Variants in GRIN2B observed in about 807,000 individuals in gnomAD.
GRIN2B encodes glutamate ionotropic receptor NMDA type subunit 2B.
Under a neutral mutation model 114.5 loss-of-function variants are expected in GRIN2B, and 5 were observed. The observed-to-expected ratio is 0.04, with a 90% CI of 0.02 to 0.09. The LOEUF (loss-of-function observed/expected upper bound fraction) is 0.09, where lower values mean the gene tolerates loss of function less well. GRIN2B is among the 10% of genes least tolerant of loss of function. GRIN2B has a pLI of 1.00. For missense variants in GRIN2B, 1,108 were observed against 1,943.5 expected (o/e 0.57, Z 8.08); for synonymous variants, 787 against 745.1 (o/e 1.06, Z -0.92).
intron 3 of GRIN2B, among the ~76,000 whole-genome samples, chr12:13,830,283 CTCTT>C (rs1031538576): frequency 3.3e-5 from 5 of 152,166 alleles, no homozygotes; most frequent in African/African-American, 9.7e-5. Flanking sequence ...AGTACACAGA[CTCTT>C]TCAGCTAAGA....
chr12:13,643,670 T>A (rs1949739430), intron 5 of GRIN2B, among the ~76,000 whole-genome samples: 1 of 152,180 alleles, frequency 6.6e-6, no homozygotes, highest in South Asian at 2.1e-4. Flanking sequence ...AGAACTTCCT[T>A]CAAAATTGGA....
At chr12:13,818,038 A>G (rs545470404) in intron 3 of GRIN2B, among the ~76,000 whole-genome samples, 80 of 152,348 alleles carry the variant, frequency 5.3e-4, no homozygotes, top group African/African-American at 1.9e-3. Flanking sequence ...GCATGACTCA[A>G]GAAATCATAA....
intron 3 of GRIN2B, among the ~76,000 whole-genome samples, chr12:13,785,222 C>A (rs1197497425): frequency 6.6e-6 from 1 of 152,128 alleles, no homozygotes; most frequent in Non-Finnish European, 1.5e-5. Flanking sequence ...TTAATTTTTC[C>A]ATTAAAATCA....
At chr12:13,593,740 T>G (rs1481402377) in intron 10 of GRIN2B, among the ~76,000 whole-genome samples, 1 of 152,124 alleles carries the variant, frequency 6.6e-6, no homozygotes, top group African/African-American at 2.4e-5. Context: ...CAGAGTGAAC[T>G]GGCAACCTAC....
At chr12:13,784,203 A>C (rs375916613) in intron 3 of GRIN2B, among the ~76,000 whole-genome samples, 1 of 124,288 alleles carries the variant, frequency 8.0e-6, no homozygotes, top group South Asian at 2.9e-4. Context: ...CAGCCTGGGC[A>C]ACAGAGTGAG....
chr12:13,789,838 T>C (rs1350710221), intron 3 of GRIN2B, among the ~76,000 whole-genome samples: 3 of 152,144 alleles, frequency 2.0e-5, no homozygotes, highest in Non-Finnish European at 4.4e-5. Flanking sequence ...GAAGTAAAAT[T>C]GGGAGACACT....
intron 5 of GRIN2B, among the ~76,000 whole-genome samples, chr12:13,634,846 C>T (rs1009766075): frequency 1.3e-5 from 2 of 152,150 alleles, no homozygotes; most frequent in Non-Finnish European, 1.5e-5. Flanking sequence ...TAGTTAGGAT[C>T]CTGTTATCTG....
At chr12:13,659,926 G>C (rs1052051829) in intron 5 of GRIN2B, among the ~76,000 whole-genome samples, 1 of 152,122 alleles carries the variant, frequency 6.6e-6, no homozygotes, top group South Asian at 2.1e-4. Context: ...AGTTTCTGTC[G>C]GTCAGCTTCC....
chr12:13,915,013 A>G (rs1866689347), intron 2 of GRIN2B, among the ~76,000 whole-genome samples: 1 of 152,208 alleles, frequency 6.6e-6, no homozygotes, highest in Non-Finnish European at 1.5e-5. Context: ...CACAGTTAGC[A>G]ATAATCTATT....
Position 13,809,587 on chromosome 12 carries a change from T to G in GRIN2B, c.412-55672A>C, listed in dbSNP as rs114566127. 9.7e-3 allele frequency among the ~76,000 whole-genome samples: 1,480 copies of G among 152,234 alleles called. 25 individuals carry two copies. The highest frequency in any genetic ancestry group is 0.033 in the African/African-American group (1,380 of 41,516). ...AACCACTTGCCAAAGATAGAATTCA[T>G]AAAGTAAAATATTAGCCTGAGAGAT... On this transcript the variant is annotated intron_variant, in intron 3 of 13. Transcript: ENST00000609686.
chr12:13,705,216 C>T (rs533992087), intron 4 of GRIN2B, among the ~76,000 whole-genome samples: 40 of 152,156 alleles, frequency 2.6e-4, no homozygotes, highest in Middle Eastern at 3.4e-3. Flanking sequence ...TCCCTATTAC[C>T]CATTATCTCC....
chr12:13,939,798 T>C (rs530482666), intron 2 of GRIN2B, among the ~76,000 whole-genome samples: 83 of 152,092 alleles, frequency 5.5e-4, no homozygotes, highest in Non-Finnish European at 1.1e-3. Context: ...TGCAGAACCA[T>C]GAGCCAAATT....
intron 3 of GRIN2B, among the ~76,000 whole-genome samples, chr12:13,850,478 T>A (rs1188625950): frequency 6.6e-6 from 1 of 152,206 alleles, no homozygotes; most frequent in East Asian, 1.9e-4. Context: ...GGAATTCCCA[T>A]GCAGCTGCAG....
chr12:13,688,547 T>TA (rs1246957781), intron 4 of GRIN2B, among the ~76,000 whole-genome samples: 5 of 152,194 alleles, frequency 3.3e-5, no homozygotes, highest in South Asian at 4.2e-4. Flanking sequence ...ATTTGCCTTA[T>TA]AAAAAAACAG....
chr12:13,870,763 A>G (rs1310722166), intron 2 of GRIN2B, among the ~76,000 whole-genome samples: 1 of 152,230 alleles, frequency 6.6e-6, no homozygotes, highest in Admixed American at 6.5e-5. Context: ...TGCCAGAACT[A>G]TGTATCAGGT....
intron 3 of GRIN2B, among the ~76,000 whole-genome samples, chr12:13,859,936 T>C (rs1246546897): frequency 6.6e-6 from 1 of 152,224 alleles, no homozygotes; most frequent in Non-Finnish European, 1.5e-5. Context: ...TCCCAAAGTA[T>C]TCTGTCCCGA....
At chr12:13,566,255 G>T (rs941545395) in intron 13 of GRIN2B, among the ~76,000 whole-genome samples, 1 of 152,168 alleles carries the variant, frequency 6.6e-6, no homozygotes. Context: ...AGTCAAAGTT[G>T]GTTGGCCATA....
intron 3 of GRIN2B, among the ~76,000 whole-genome samples, chr12:13,794,207 C>CAAAAAAAAAAAAA (rs3082833): frequency 3.9e-5 from 4 of 102,910 alleles, no homozygotes; most frequent in Non-Finnish European, 5.7e-5. Context: ...GACTCTGTCT[C>CAAAAAAAAAAAAA]AAAAAAAAAA....
intron 3 of GRIN2B, among the ~76,000 whole-genome samples, chr12:13,853,436 A>G (rs1321879263): frequency 1.3e-5 from 2 of 152,250 alleles, no homozygotes; most frequent in African/African-American, 2.4e-5. Flanking sequence ...TATAATATGA[A>G]TTGCATATGT....
Sources: allele counts gnomAD v4.1 joint callset (sites outside exome capture counted in the v4.1 genomes callset), GRCh38; gene constraint gnomAD v4.1.1; transcripts MANE v1.5; gene names NCBI Gene and HGNC (gene_info 2026-07-23, HGNC 2026-07-21).